PTPRT: variants seen among roughly 807,000 people sequenced by gnomAD.
PTPRT encodes protein tyrosine phosphatase receptor type T.
Under a neutral mutation model 176.8 loss-of-function variants are expected in PTPRT, and 56 were observed. The observed-to-expected ratio is 0.32, with a 90% confidence interval of 0.26 to 0.40. The LOEUF (loss-of-function observed/expected upper bound fraction) is 0.40, where lower values mean the gene tolerates loss of function less well. Ranked by LOEUF, PTPRT falls within the 10% of genes least tolerant of loss-of-function variation. The probability of loss-of-function intolerance (pLI) is 1.00; values close to 1 mark genes in which losing one functional copy is unlikely to be tolerated. For missense variants in PTPRT, 1,540 were observed against 1,908.2 expected, an observed-to-expected ratio of 0.81 and a Z score of 3.60; for synonymous variants, 783 against 739.0, an observed-to-expected ratio of 1.06 and a Z score of -0.96.
chr20:43,077,240 A>G (rs2011302761), intron 1 of PTPRT, among the ~76,000 whole-genome samples: 1 of 152,204 alleles, frequency 6.6e-6, no homozygotes, highest in Non-Finnish European at 1.5e-5. Flanking sequence ...GGGTTGTGCC[A>G]AGGGCTTCAT....
chr20:43,097,052 G>A (rs2146318343), intron 1 of PTPRT, among the ~76,000 whole-genome samples: 1 of 152,330 alleles, frequency 6.6e-6, no homozygotes, highest in Middle Eastern at 3.4e-3. Flanking sequence ...AGAACACGAG[G>A]CCAAACCAGT....
intron 9 of PTPRT, among the ~76,000 whole-genome samples, chr20:42,394,136 T>C (rs974031207): frequency 6.6e-6 from 1 of 151,906 alleles, no homozygotes; most frequent in Non-Finnish European, 1.5e-5. Flanking sequence ...CACTTGTCTA[T>C]GTAATATCCA....
At chr20:42,396,773 G>A (rs748802124) in intron 9 of PTPRT, among the ~76,000 whole-genome samples, 5 of 152,128 alleles carry the variant, frequency 3.3e-5, no homozygotes, top group Non-Finnish European at 7.4e-5. Context: ...TGTTGGCCAG[G>A]CTGGAACTCC....
intron 1 of PTPRT, 117 bp from the exon 2 acceptor site, chr20:42,886,049 C>CTTTATATATATATATATATATATATA (rs58536258): frequency 5.1e-5 from 22 of 431,148 alleles, no homozygotes; most frequent in African/African-American, 4.7e-4. Context: ...AGAAGATTTT[C>CTTTATATATATATATATATATATATA]CATATATATA....
At chr20:42,413,529 T>G (rs908327830) in intron 9 of PTPRT, among the ~76,000 whole-genome samples, 1 of 152,070 alleles carries the variant, frequency 6.6e-6, no homozygotes, top group Non-Finnish European at 1.5e-5. Flanking sequence ...GACGCAAAAA[T>G]TTTAAATTAA....
rs544779841 is a variant in PTPRT, at chr20:42,759,377, G to C, written c.685-2741C>G. On this transcript the variant is annotated intron_variant, in intron 5 of 30. Coordinates refer to ENST00000373187, the MANE Select transcript of PTPRT (RefSeq NM_007050.6). ...TTCTTATCGCTGTCATATATAAGAGGAAACTGGGCTGGGCGTGGTGGCTCA... is the reference window on the plus strand; with the variant it reads ...TTCTTATCGCTGTCATATATAAGAGCAAACTGGGCTGGGCGTGGTGGCTCA... Among the ~76,000 whole-genome samples the C allele has an allele frequency of 5.9e-5, 9 of 152,304 alleles. No homozygotes were observed. The South Asian group carries it at 1.7e-3, about 28-fold the overall frequency.
intron 1 of PTPRT, among the ~76,000 whole-genome samples, chr20:43,095,831 T>A (rs1001755651): frequency 1.0e-3 from 3 of 2,988 alleles, no homozygotes; most frequent in Non-Finnish European, 2.1e-3. Flanking sequence ...TCCCCCACCC[T>A]CTCTCTCTCC....
At chr20:42,707,831 G>A (rs1470193058) in intron 6 of PTPRT, among the ~76,000 whole-genome samples, 1 of 152,242 alleles carries the variant, frequency 6.6e-6, no homozygotes, top group Non-Finnish European at 1.5e-5. Context: ...TTTATCCAGT[G>A]TCTCCAGATG....
chr20:43,135,412 C>T (rs550166693), intron 1 of PTPRT, among the ~76,000 whole-genome samples: 22 of 152,234 alleles, frequency 1.4e-4, no homozygotes, highest in Non-Finnish European at 2.2e-4. Context: ...AATATGTACG[C>T]GGTGACCCCG....
intron 6 of PTPRT, among the ~76,000 whole-genome samples, chr20:42,750,500 C>T (rs772710777): frequency 1.3e-5 from 2 of 152,114 alleles, no homozygotes; most frequent in Non-Finnish European, 2.9e-5. Flanking sequence ...GATGGAAACT[C>T]AAGTGTATTT....
the PTPRT span, among the ~76,000 whole-genome samples, chr20:42,058,980 G>C: frequency 6.6e-6 from 1 of 152,192 alleles, no homozygotes; most frequent in Non-Finnish European, 1.5e-5. Flanking sequence ...GAATCACCTG[G>C]GGAGGGGTTA....
intron 11 of PTPRT, among the ~76,000 whole-genome samples, chr20:42,321,045 T>C (rs138039802): frequency 3.5e-4 from 53 of 152,290 alleles, no homozygotes; most frequent in African/African-American, 1.3e-3. Flanking sequence ...CTTTGGACAA[T>C]GACCATATGA....
chr20:43,120,288 T>G (rs1427008148), intron 1 of PTPRT, among the ~76,000 whole-genome samples: 1 of 151,946 alleles, frequency 6.6e-6, no homozygotes, highest in South Asian at 2.1e-4. Context: ...TTTTTTTTTT[T>G]TTAAATGGAG....
intron 2 of PTPRT, among the ~76,000 whole-genome samples, chr20:42,853,818 A>G (rs923576398): frequency 2.0e-5 from 3 of 152,236 alleles, no homozygotes; most frequent in Non-Finnish European, 2.9e-5. Context: ...GAATGACTGC[A>G]TGCCAGGATT....
At chr20:43,181,049 C>T (rs2015245727) in intron 1 of PTPRT, among the ~76,000 whole-genome samples, 1 of 152,198 alleles carries the variant, frequency 6.6e-6, no homozygotes, top group Non-Finnish European at 1.5e-5. Flanking sequence ...CCAGCTGCCA[C>T]ACTGTGAGCT....
intron 12 of PTPRT, among the ~76,000 whole-genome samples, chr20:42,314,315 T>A (rs2057681616): frequency 6.6e-6 from 1 of 151,752 alleles, no homozygotes. Flanking sequence ...GATCACGAGG[T>A]CAGGAGACCG....
At chr20:43,013,028 C>A (rs1265801060) in intron 1 of PTPRT, among the ~76,000 whole-genome samples, 1 of 152,072 alleles carries the variant, frequency 6.6e-6, no homozygotes, top group East Asian at 1.9e-4. Flanking sequence ...TGTTCCTCAA[C>A]CTTGTTTTCA....
In PTPRT at chr20:42,621,965, G is replaced by C. The variant is rs186166766; in HGVS notation, c.1153+55901C>G. Among the ~76,000 whole-genome samples the C allele has an allele frequency of 7.8e-3, 1,191 of 152,212 alleles. 5 individuals carry two copies. Among genetic ancestry groups the C allele is most frequent in the Non-Finnish European group, 9.8e-3 (668 of 68,012 alleles). ...AGAAAAGCAGAGGTGAAATGAGAGA[G>C]GTCAGGACAGTCACCTGAAGTATTT... On this transcript the variant is annotated intron_variant, in intron 7 of 30. Coordinates refer to ENST00000373187, the MANE Select transcript of PTPRT (RefSeq NM_007050.6).
chr20:42,906,524 A>C (rs992180444), intron 1 of PTPRT, among the ~76,000 whole-genome samples: 1 of 152,238 alleles, frequency 6.6e-6, no homozygotes, highest in Non-Finnish European at 1.5e-5. Context: ...CCTTGCAATA[A>C]GGCAGGGGGT....
Sources: gnomAD v4.1 joint callset for allele counts (sites outside exome capture counted in the v4.1 genomes callset) on GRCh38, gnomAD v4.1.1 for gene constraint, MANE v1.5 for transcripts, NCBI Gene and HGNC (gene_info 2026-07-23, HGNC 2026-07-21) for gene names.